EFHC1: variants seen among roughly 807,000 people sequenced by gnomAD.
The protein encoded by EFHC1 is EF-hand domain containing 1.
A neutral mutation model predicts 69.9 loss-of-function variants in EFHC1; 53 were observed. The observed-to-expected ratio is 0.76, with a 90% CI of 0.61 to 0.95. EFHC1 has a LOEUF of 0.95. Ranked by LOEUF, EFHC1 falls within the 40% of genes least tolerant of loss-of-function variation. EFHC1 has a pLI of 0.00. For synonymous variants in EFHC1, 256 were observed against 278.4 expected (o/e 0.92, Z 0.80); for missense variants, 739 against 798.7 (o/e 0.93, Z 0.90).
In EFHC1 at chr6:52,440,768, T is replaced by G. The variant is rs188862852; in HGVS notation, c.573+2177T>G. On this transcript the variant is annotated intron_variant, in intron 3 of 10. Coordinates refer to ENST00000371068, the MANE Select transcript of EFHC1 (RefSeq NM_018100.4). ...CTCTCATCACCAGTGTATAAACATT[T>G]CTTTTTCTCCACAACCTTGACAGCA... Among the ~76,000 whole-genome samples the G allele has an allele frequency of 1.7e-4, 26 of 152,202 alleles. 1 individual carries two copies. In the East Asian group the frequency reaches 4.1e-3, roughly 24 times the overall value.
intron 5 of EFHC1, among the ~76,000 whole-genome samples, chr6:52,455,072 A>G (rs1765011696): frequency 1.3e-5 from 2 of 152,174 alleles, no homozygotes; most frequent in South Asian, 4.1e-4. Flanking sequence ...AGCCTGGGCA[A>G]CAGTGAGATC....
chr6:52,423,047 G>C (rs1764224744), intron 1 of EFHC1, among the ~76,000 whole-genome samples: 2 of 152,106 alleles, frequency 1.3e-5, no homozygotes, highest in Admixed American at 6.6e-5. Context: ...CCATTGTAAT[G>C]GGCAGCTTCA....
chr6:52,494,534 G>C lies in EFHC1; in HGVS notation c.*2193G>C, dbSNP rs1008135196. ...CTAGTAATGTCGTAATGTGGGGCCA[G>C]GTCTGAGTGACATGTGCCGAAAGGC... On this transcript the variant is annotated 3_prime_UTR_variant, in exon 11 of 11. Transcript: ENST00000371068. The C allele has an allele frequency of 2.2e-5, 10 of 454,014 alleles. No individual in the cohort carries two copies. Among genetic ancestry groups the C allele is most frequent in the Middle Eastern group, 1.4e-3 (2 of 1,468 alleles). 28.1% of individuals were successfully genotyped at this position (454,014 alleles called of 1,614,324 possible). A position where few individuals can be genotyped will look rare whatever the true frequency, so the allele number is the denominator to read the frequency against.
intron 5 of EFHC1, among the ~76,000 whole-genome samples, chr6:52,456,372 A>T (rs545957110): frequency 6.6e-6 from 1 of 152,158 alleles, no homozygotes; most frequent in East Asian, 1.9e-4. Context: ...TGCAGTTCGG[A>T]GCTAACAAAC....
chr6:52,481,855 G>T (rs767823564), intron 9 of EFHC1: 4 of 152,132 alleles, frequency 2.6e-5, no homozygotes, highest in Non-Finnish European at 5.9e-5. Flanking sequence ...AGAAAAGAAT[G>T]GCTCTAAGAA....
At chr6:52,458,960 C>T (rs113293084) in intron 5 of EFHC1, among the ~76,000 whole-genome samples, 5,620 of 152,138 alleles carry the variant, frequency 0.037, 331 homozygotes, top group African/African-American at 0.12. Flanking sequence ...TTTGCAGCAA[C>T]GTGGATGCAG....
At chr6:52,469,285 T>C in intron 6 of EFHC1, 48 bp from the exon 7 acceptor site, 1 of 1,611,646 alleles carries the variant, frequency 6.2e-7, no homozygotes, top group South Asian at 1.1e-5. Context: ...AATGTAATCT[T>C]AACACAAGTA....
chr6:52,487,095 C>T (rs1765802479), intron 9 of EFHC1: 1 of 151,976 alleles, frequency 6.6e-6, no homozygotes, highest in Admixed American at 6.6e-5. Context: ...CTACTCAACT[C>T]TACCCTTACA....
At chr6:52,422,391 C>G (rs1764209181) in intron 1 of EFHC1, among the ~76,000 whole-genome samples, 1 of 152,124 alleles carries the variant, frequency 6.6e-6, no homozygotes, top group Non-Finnish European at 1.5e-5. Context: ...TTACTATATA[C>G]CTGGAGCAGT....
In EFHC1 at chr6:52,465,071, C is replaced by T. The variant is rs915630036; in HGVS notation, c.1093C>T (p.Pro365Ser). The T allele has an allele frequency of 1.1e-5, 17 of 1,613,934 alleles. No individual in the cohort carries two copies. The highest frequency in any genetic ancestry group is 2.7e-5 in the African/African-American group (2 of 74,902). The change falls in exon 6 of 11, where the codon CCA (proline) becomes TCA (serine). Residue 365 changes from proline to serine, a missense_variant. Coordinates refer to ENST00000371068, the MANE Select transcript of EFHC1 (RefSeq NM_018100.4). ...YKEKFGITDL[P>S]RIDVSKREPP... ...AGAGAAGTTTGGAATCACTGATTTACCACGTATTGATGTGAGCAAGCGGGA... is the reference window on the plus strand; with the variant it reads ...AGAGAAGTTTGGAATCACTGATTTATCACGTATTGATGTGAGCAAGCGGGA...
chr6:52,428,985 T>C (rs149680489), intron 2 of EFHC1, among the ~76,000 whole-genome samples: 2 of 152,388 alleles, frequency 1.3e-5, no homozygotes, highest in East Asian at 3.9e-4. Context: ...GCCATTTGTA[T>C]ATCTTCTTTT....
chr6:52,479,615 A>G, intron 8 of EFHC1, 25 bp from the exon 9 acceptor site: 1 of 1,614,190 alleles, frequency 6.2e-7, no homozygotes, highest in Non-Finnish European at 8.5e-7. Context: ...TCACCAAGCT[A>G]AGTGTGTTGC....
Position 52,479,030 on chromosome 6 carries a change from T to G in EFHC1, c.1279-7T>G, listed in dbSNP as rs781599818. 2 of 1,612,780 alleles carry G rather than the reference T, an allele frequency of 1.2e-6. No homozygotes were observed. The highest frequency in any genetic ancestry group is 1.7e-6 in the Non-Finnish European group (2 of 1,179,758). On this transcript the variant is annotated splice_region_variant and splice_polypyrimidine_tract_variant and intron_variant, in intron 7 of 10. Transcript: ENST00000371068. Reference sequence around the variant, plus strand: ...TTCATAATATCCTCTTTTCTTCACCTTTGTAGGAATCCCCCATCCCAGAAG... The same window carrying G: ...TTCATAATATCCTCTTTTCTTCACCGTTGTAGGAATCCCCCATCCCAGAAG...
chr6:52,480,775 T>G (rs965181290), intron 9 of EFHC1, among the ~76,000 whole-genome samples: 1 of 152,162 alleles, frequency 6.6e-6, no homozygotes, highest in Non-Finnish European at 1.5e-5. Flanking sequence ...AATATTTTAC[T>G]TAAAGTACTC....
At chr6:52,487,867 T>G (rs1287116084) in intron 9 of EFHC1, 3 of 152,296 alleles carry the variant, frequency 2.0e-5, no homozygotes, top group Non-Finnish European at 4.4e-5. Flanking sequence ...TGTTTTCTTG[T>G]TGAGCCATGT....
At chr6:52,424,885 G>A (rs1764271133) in intron 2 of EFHC1, among the ~76,000 whole-genome samples, 2 of 152,200 alleles carry the variant, frequency 1.3e-5, no homozygotes, top group Non-Finnish European at 1.5e-5. Flanking sequence ...TTCCAGATGA[G>A]CTTTATGTGT....
chr6:52,436,314 A>T lies in EFHC1; in HGVS notation c.286-1990A>T, dbSNP rs116093231. On this transcript the variant is annotated intron_variant, in intron 2 of 10. Transcript: ENST00000371068. ...CATTATATTCACATTTCTCCTATGCACTTGTATGCACTTGCCAGTTCTCTT... is the reference window on the plus strand; with the variant it reads ...CATTATATTCACATTTCTCCTATGCTCTTGTATGCACTTGCCAGTTCTCTT... 3.2e-3 allele frequency among the ~76,000 whole-genome samples: 492 copies of T among 151,800 alleles called. 2 individuals carry two copies. The highest frequency in any genetic ancestry group is 0.012 in the African/African-American group (481 of 41,402).
intron 3 of EFHC1, among the ~76,000 whole-genome samples, chr6:52,444,396 G>C (rs1376358563): frequency 6.6e-6 from 1 of 152,128 alleles, no homozygotes; most frequent in African/African-American, 2.4e-5. Context: ...TCCAGTTTTT[G>C]CCCATTCAGT....
intron 6 of EFHC1, among the ~76,000 whole-genome samples, chr6:52,465,699 C>T (rs763883737): frequency 6.6e-5 from 10 of 151,290 alleles, no homozygotes; most frequent in Non-Finnish European, 1.3e-4. Flanking sequence ...CCCAGCTCCT[C>T]GGGAGGCTGA....
Sources: allele counts gnomAD v4.1 joint callset (sites outside exome capture counted in the v4.1 genomes callset), GRCh38; gene constraint gnomAD v4.1.1; transcripts MANE v1.5; gene names NCBI Gene and HGNC (gene_info 2026-07-23, HGNC 2026-07-21).